GRIA1: variants seen among roughly 807,000 people sequenced by gnomAD.
GRIA1 encodes the protein glutamate ionotropic receptor AMPA type subunit 1, also known as glutamate receptor 1.
Under a neutral mutation model 99.2 loss-of-function variants are expected in GRIA1, and 31 were observed. That is an observed-to-expected ratio of 0.31 (90% CI 0.23 to 0.42). The LOEUF is 0.42. GRIA1 is among the 10% of genes least tolerant of loss of function. The pLI is 1.00. For missense variants in GRIA1, 782 were observed against 1,157.5 expected (o/e 0.68, Z 4.71); for synonymous variants, 438 against 432.4 (o/e 1.01, Z -0.16).
chr5:153,802,406 C>T lies in GRIA1; in HGVS notation c.2436C>T (p.Ile812=). The change falls in exon 15 of 16, where the codon ATC becomes ATT. Residue 812 remains isoleucine (I), a synonymous_variant. Coordinates refer to ENST00000285900, the MANE Select transcript of GRIA1 (RefSeq NM_000827.4). ...GCAATGTGGCAGGCGTGTTCTACAT[C>T]CTGATCGGAGGACTTGGACTAGCCA... ...SLSNVAGVFY[I]LIGGLGLAML... The T allele has an allele frequency of 6.2e-7, 1 of 1,613,758 alleles. No individual in the cohort carries two copies. The highest frequency in any genetic ancestry group is 8.5e-7 in the Non-Finnish European group (1 of 1,179,740).
At chr5:153,552,752 A>G (rs1760269176) in intron 2 of GRIA1, among the ~76,000 whole-genome samples, 1 of 152,192 alleles carries the variant, frequency 6.6e-6, no homozygotes, top group African/African-American at 2.4e-5. Flanking sequence ...TCTAAGGTTT[A>G]GCATTTCTTA....
intron 10 of GRIA1, among the ~76,000 whole-genome samples, chr5:153,701,160 G>A (rs964641989): frequency 1.4e-4 from 22 of 152,160 alleles, no homozygotes; most frequent in Non-Finnish European, 2.9e-4. Context: ...AGTCTGCAGT[G>A]TGGGCAGAAC....
intron 2 of GRIA1, among the ~76,000 whole-genome samples, chr5:153,601,892 G>A (rs1017865500): frequency 2.6e-5 from 4 of 152,184 alleles, no homozygotes; most frequent in Admixed American, 2.6e-4. Context: ...TATTGGCCAG[G>A]AGATGCCTCC....
At chr5:153,556,749 G>C (rs1334511985) in intron 2 of GRIA1, among the ~76,000 whole-genome samples, 1 of 152,146 alleles carries the variant, frequency 6.6e-6, no homozygotes, top group Non-Finnish European at 1.5e-5. Context: ...ATTGGTCTAT[G>C]TACTCTCTGT....
chr5:153,580,327 T>C (rs572401459), intron 2 of GRIA1, among the ~76,000 whole-genome samples: 1 of 152,322 alleles, frequency 6.6e-6, no homozygotes, highest in African/African-American at 2.4e-5. Flanking sequence ...TCTCTTGCTC[T>C]CCCTTCAGGG....
intron 2 of GRIA1, among the ~76,000 whole-genome samples, chr5:153,615,768 T>C (rs1330935564): frequency 1.3e-5 from 2 of 152,194 alleles, no homozygotes; most frequent in Non-Finnish European, 2.9e-5. Context: ...GTAACAACTT[T>C]AAGATGATGG....
At chr5:153,698,323 C>T (rs1232106235) in intron 9 of GRIA1, among the ~76,000 whole-genome samples, 169 bp downstream of exon 9, 1 of 152,220 alleles carries the variant, frequency 6.6e-6, no homozygotes, top group Non-Finnish European at 1.5e-5. Flanking sequence ...TGAGTTTTCA[C>T]TCTGTATCTC....
intron 9 of GRIA1, 125 bp from the exon 10 acceptor site, chr5:153,698,742 G>A (rs957928842): frequency 4.9e-5 from 33 of 673,490 alleles, no homozygotes; most frequent in Non-Finnish European, 1.1e-5. Flanking sequence ...TTTAGGAAGT[G>A]AATTGAGGGG....
intron 2 of GRIA1, among the ~76,000 whole-genome samples, chr5:153,633,771 G>T (rs994975610): frequency 3.3e-5 from 5 of 152,114 alleles, no homozygotes; most frequent in Admixed American, 6.5e-5. Context: ...CAGCTAACTT[G>T]GTCATTTAGT....
At chr5:153,512,889 T>C (rs143501620) in intron 2 of GRIA1, among the ~76,000 whole-genome samples, 2 of 152,272 alleles carry the variant, frequency 1.3e-5, no homozygotes, top group African/African-American at 4.8e-5. Flanking sequence ...GTCATGAGGA[T>C]GTCATCCTCA....
intron 2 of GRIA1, among the ~76,000 whole-genome samples, chr5:153,620,959 CAGTG>C (rs1333135734): frequency 1.3e-5 from 2 of 152,084 alleles, no homozygotes; most frequent in Non-Finnish European, 2.9e-5. Context: ...CCAACCAAAA[CAGTG>C]AGAATATAGC....
intron 14 of GRIA1, 67 bp downstream of exon 14, chr5:153,794,802 G>A: frequency 3.3e-6 from 3 of 903,390 alleles, no homozygotes; most frequent in Non-Finnish European, 5.4e-6. Context: ...ACCAGCAACT[G>A]TTCTCCCAAT....
intron 7 of GRIA1, among the ~76,000 whole-genome samples, chr5:153,679,220 G>A (rs905920736): frequency 3.3e-5 from 5 of 152,126 alleles, no homozygotes; most frequent in African/African-American, 4.8e-5. Flanking sequence ...CAAGGCCTGC[G>A]CTCAAGGAAC....
intron 2 of GRIA1, among the ~76,000 whole-genome samples, chr5:153,558,510 G>T (rs952750094): frequency 1.4e-4 from 22 of 151,926 alleles, no homozygotes; most frequent in African/African-American, 5.1e-4. Flanking sequence ...TTGCATTCTG[G>T]CTTCTTTCAC....
intron 5 of GRIA1, among the ~76,000 whole-genome samples, chr5:153,666,939 A>C (rs1200013337): frequency 1.1e-4 from 17 of 152,136 alleles, no homozygotes; most frequent in Admixed American, 1.1e-3. Context: ...ACTCAAATAC[A>C]TCCTTCACTT....
At chr5:153,628,357 C>T (rs1022188833) in intron 2 of GRIA1, among the ~76,000 whole-genome samples, 6 of 152,196 alleles carry the variant, frequency 3.9e-5, no homozygotes, top group African/African-American at 1.2e-4. Context: ...TTCAGACTGA[C>T]CTGGCTTTGA....
intron 2 of GRIA1, among the ~76,000 whole-genome samples, chr5:153,515,676 TG>T (rs1756550715): frequency 6.6e-6 from 1 of 152,240 alleles, no homozygotes; most frequent in African/African-American, 2.4e-5. Context: ...TAGCCTGATT[TG>T]TTCATGCCAC....
chr5:153,710,512 T>C (rs1332044503), intron 11 of GRIA1, among the ~76,000 whole-genome samples: 1 of 152,216 alleles, frequency 6.6e-6, no homozygotes, highest in Non-Finnish European at 1.5e-5. Flanking sequence ...CATGAGCCAC[T>C]GTGCCCAGCC....
At chr5:153,699,118 G>A (rs1416830355) in intron 10 of GRIA1, 45 bp downstream of exon 10, 1 of 1,379,856 alleles carries the variant, frequency 7.2e-7, no homozygotes, top group Admixed American at 1.8e-5. Context: ...GAGGCAGAGG[G>A]TTTGACAGGA....
Sources: allele counts gnomAD v4.1 joint callset (sites outside exome capture counted in the v4.1 genomes callset), GRCh38; gene constraint gnomAD v4.1.1; transcripts MANE v1.5; gene names NCBI Gene and HGNC (gene_info 2026-07-23, HGNC 2026-07-21).